FRMD4A: variants seen among roughly 807,000 people sequenced by gnomAD.
FRMD4A encodes the protein FERM domain-containing protein 4A.
FRMD4A carries 29 observed loss-of-function variants against 129.1 expected under a neutral mutation model. The observed-to-expected ratio is 0.22, with a 90% CI of 0.17 to 0.31. The LOEUF is 0.31. Among genes scored for constraint, FRMD4A ranks in the 10% least tolerant of loss-of-function variants. The pLI is 1.00. For synonymous variants in FRMD4A, 634 were observed against 571.6 expected, an observed-to-expected ratio of 1.11 and a Z score of -1.56; for missense variants, 1,272 against 1,375.8, an observed-to-expected ratio of 0.92 and a Z score of 1.19.
At chr10:13,683,176 C>T (rs1019251533) in intron 15 of FRMD4A, among the ~76,000 whole-genome samples, 4 of 152,022 alleles carry the variant, frequency 2.6e-5, no homozygotes, top group African/African-American at 7.2e-5. Context: ...CCACAACGCC[C>T]GACTAATAGA....
intron 12 of FRMD4A, among the ~76,000 whole-genome samples, chr10:13,731,277 G>T (rs149113235): frequency 6.6e-6 from 1 of 152,182 alleles, no homozygotes; most frequent in Admixed American, 6.5e-5. Context: ...CAAAGAGGGA[G>T]GGGGAAACAT....
chr10:13,875,065 A>C (rs904124233), intron 2 of FRMD4A, among the ~76,000 whole-genome samples: 2 of 152,184 alleles, frequency 1.3e-5, no homozygotes, highest in Admixed American at 6.5e-5. Flanking sequence ...CAGCAACATG[A>C]GGTAAGAAGG....
At chr10:14,119,995 CTTTTTTTT>C (rs34292351) in intron 2 of FRMD4A, among the ~76,000 whole-genome samples, 3 of 131,222 alleles carry the variant, frequency 2.3e-5, no homozygotes, top group African/African-American at 8.4e-5. Flanking sequence ...ATGTCATCTG[CTTTTTTTT>C]TTTTTTTTTT....
intron 2 of FRMD4A, among the ~76,000 whole-genome samples, chr10:14,204,732 G>C (rs1157331720): frequency 6.6e-6 from 1 of 151,972 alleles, no homozygotes; most frequent in East Asian, 1.9e-4. Context: ...ATACTTAATC[G>C]GAGCCTGGAG....
intron 2 of FRMD4A, among the ~76,000 whole-genome samples, chr10:13,923,317 A>G (rs982065976): frequency 2.0e-5 from 3 of 152,230 alleles, no homozygotes; most frequent in Non-Finnish European, 4.4e-5. Flanking sequence ...AACAAAACCC[A>G]TGACCGTTAT....
intron 3 of FRMD4A, among the ~76,000 whole-genome samples, chr10:13,852,353 C>T (rs1470057686): frequency 1.3e-5 from 2 of 152,014 alleles, no homozygotes; most frequent in African/African-American, 2.4e-5. Flanking sequence ...AAGTGATTCC[C>T]TTGCCTCAGC....
intron 2 of FRMD4A, among the ~76,000 whole-genome samples, chr10:14,018,761 G>A (rs1832598104): frequency 6.6e-6 from 1 of 152,186 alleles, no homozygotes; most frequent in African/African-American, 2.4e-5. Flanking sequence ...TATTCTGACA[G>A]ACTACAGGAA....
At chr10:14,254,542 T>A (rs1844544619) in intron 2 of FRMD4A, among the ~76,000 whole-genome samples, 1 of 152,122 alleles carries the variant, frequency 6.6e-6, no homozygotes, top group Non-Finnish European at 1.5e-5. Flanking sequence ...AGATCCAGTT[T>A]GGATCACATG....
At chr10:13,691,557 C>T (rs1303742065) in intron 15 of FRMD4A, among the ~76,000 whole-genome samples, 2 of 152,140 alleles carry the variant, frequency 1.3e-5, no homozygotes, top group Non-Finnish European at 2.9e-5. Context: ...GCGACTAGAC[C>T]AGCAGCATCA....
At chr10:14,191,816 TC>T (rs1842327897) in intron 2 of FRMD4A, among the ~76,000 whole-genome samples, 2 of 150,902 alleles carry the variant, frequency 1.3e-5, no homozygotes, top group South Asian at 2.1e-4. Flanking sequence ...TCTCTCTCTC[TC>T]TCTCTCTCCT....
chr10:14,242,187 A>T (rs1318351867), intron 2 of FRMD4A, among the ~76,000 whole-genome samples: 1 of 152,232 alleles, frequency 6.6e-6, no homozygotes, highest in Non-Finnish European at 1.5e-5. Flanking sequence ...GAGAAAACAG[A>T]GTCCACAGAT....
chr10:13,984,165 A>G (rs1237874037), intron 2 of FRMD4A, among the ~76,000 whole-genome samples: 1 of 152,188 alleles, frequency 6.6e-6, no homozygotes, highest in Non-Finnish European at 1.5e-5. Flanking sequence ...CTCCTTCAGC[A>G]AAACCCAGGA....
chr10:14,098,797 A>AGGTCTGAGACCTTCGCTCACAC (rs1266348668), intron 2 of FRMD4A, among the ~76,000 whole-genome samples: 1 of 152,172 alleles, frequency 6.6e-6, no homozygotes, highest in East Asian at 1.9e-4. Context: ...AATGGTCACA[A>AGGTCTGAGACCTTCGCTCACAC]GGTCTGAGAC....
At chr10:14,083,881 CTTT>C (rs34200577) in intron 2 of FRMD4A, 1 of 152,156 alleles carries the variant, frequency 6.6e-6, no homozygotes, top group South Asian at 2.1e-4. Flanking sequence ...ACAACTGTAA[CTTT>C]TTGGTTGTTA....
rs554107081 is a variant in FRMD4A, at chr10:14,256,192, A to T, written c.45+73866T>A. On this transcript the variant is annotated intron_variant, in intron 2 of 24. Coordinates refer to ENST00000357447, the MANE Select transcript of FRMD4A (RefSeq NM_018027.5). ...GAAAATATTTATAATAGACGGCAATAATTGAAAAATATCTAAGAATGCATT... is the reference window on the plus strand; with the variant it reads ...GAAAATATTTATAATAGACGGCAATTATTGAAAAATATCTAAGAATGCATT... 1.6e-3 allele frequency among the ~76,000 whole-genome samples: 243 copies of T among 152,246 alleles called. 1 individual carries two copies. The highest frequency in any genetic ancestry group is 5.5e-3 in the African/African-American group (227 of 41,572).
chr10:13,890,184 G>A (rs1354641499), intron 2 of FRMD4A, among the ~76,000 whole-genome samples: 1 of 152,200 alleles, frequency 6.6e-6, no homozygotes, highest in Admixed American at 6.5e-5. Flanking sequence ...CATAAATGGG[G>A]CTTAATGCTA....
intron 2 of FRMD4A, among the ~76,000 whole-genome samples, chr10:14,079,736 T>C (rs1835819000): frequency 6.6e-6 from 1 of 152,216 alleles, no homozygotes; most frequent in Non-Finnish European, 1.5e-5. Context: ...ATCCGCTGCC[T>C]GGGACCAGGC....
intron 2 of FRMD4A, among the ~76,000 whole-genome samples, chr10:14,113,068 T>C (rs1316670476): frequency 1.3e-5 from 2 of 152,184 alleles, no homozygotes; most frequent in African/African-American, 4.8e-5. Flanking sequence ...CAGAGTTGTA[T>C]TCTGTGGACT....
intron 2 of FRMD4A, among the ~76,000 whole-genome samples, chr10:13,956,887 G>C (rs2095413043): frequency 6.6e-6 from 1 of 152,216 alleles, no homozygotes; most frequent in Non-Finnish European, 1.5e-5. Flanking sequence ...AAGGGGGAAA[G>C]TGTAGACGTT....
Sources: gnomAD v4.1 joint callset for allele counts (sites outside exome capture counted in the v4.1 genomes callset) on GRCh38, gnomAD v4.1.1 for gene constraint, MANE v1.5 for transcripts, NCBI Gene and HGNC (gene_info 2026-07-23, HGNC 2026-07-21) for gene names.